KCNIP4: variants seen among roughly 807,000 people sequenced by gnomAD.
The protein encoded by KCNIP4 is potassium voltage-gated channel interacting protein 4.
A neutral mutation model predicts 34.0 loss-of-function variants in KCNIP4; 12 were observed. The ratio of observed to expected loss-of-function variants is 0.35; its 90% CI spans 0.23 to 0.57. The LOEUF is 0.57. Ranked by LOEUF, KCNIP4 falls within the 20% of genes least tolerant of loss-of-function variation. The pLI, the probability that KCNIP4 is intolerant of heterozygous loss-of-function variation, is 0.83. For synonymous variants in KCNIP4, 124 were observed against 102.2 expected, an observed-to-expected ratio of 1.21 and a Z score of -1.29; for missense variants, 238 against 311.7, an observed-to-expected ratio of 0.76 and a Z score of 1.78.
At chr4:21,178,209 G>A (rs551537518) in intron 1 of KCNIP4, among the ~76,000 whole-genome samples, 5 of 152,196 alleles carry the variant, frequency 3.3e-5, no homozygotes, top group African/African-American at 1.2e-4. Context: ...TGGCTCCAAA[G>A]GGCACAAGGC....
At chr4:20,880,711 A>G (rs1724591739) in intron 2 of KCNIP4, among the ~76,000 whole-genome samples, 2 of 152,210 alleles carry the variant, frequency 1.3e-5, no homozygotes, top group Admixed American at 6.5e-5. Context: ...TATCTAATAA[A>G]TTGGCAATTT....
intron 3 of KCNIP4, among the ~76,000 whole-genome samples, chr4:20,791,238 A>C (rs764534149): frequency 5.9e-5 from 9 of 152,184 alleles, no homozygotes; most frequent in Non-Finnish European, 8.8e-5. Context: ...CAAAGACAAA[A>C]TAGACATTTT....
chr4:20,919,425 C>T (rs1026435770), intron 1 of KCNIP4, among the ~76,000 whole-genome samples: 1 of 148,576 alleles, frequency 6.7e-6, no homozygotes, highest in South Asian at 2.1e-4. Context: ...AAAGATAGAT[C>T]GGGCGCGGTG....
intron 1 of KCNIP4, among the ~76,000 whole-genome samples, chr4:21,123,951 T>A (rs560833149): frequency 3.5e-4 from 53 of 152,126 alleles, no homozygotes; most frequent in Non-Finnish European, 7.2e-4. Flanking sequence ...AGAAAATAAA[T>A]GTCCGTTGCT....
chr4:21,066,260 T>G (rs1184160836), intron 1 of KCNIP4, among the ~76,000 whole-genome samples: 1 of 152,140 alleles, frequency 6.6e-6, no homozygotes, highest in Non-Finnish European at 1.5e-5. Flanking sequence ...GTTTCAGTAT[T>G]CCTTTTAGGG....
At chr4:21,027,528 A>T (rs1560658483) in intron 1 of KCNIP4, among the ~76,000 whole-genome samples, 1 of 150,524 alleles carries the variant, frequency 6.6e-6, no homozygotes, top group Non-Finnish European at 1.5e-5. Flanking sequence ...TAGGTGCATA[A>T]TTTTGGGATT....
At chr4:21,120,317 G>T (rs1750044645) in intron 1 of KCNIP4, among the ~76,000 whole-genome samples, 1 of 152,204 alleles carries the variant, frequency 6.6e-6, no homozygotes, top group South Asian at 2.1e-4. Context: ...AGTTCTGGAA[G>T]CTGTAAGTCC....
At chr4:21,543,508 G>A (rs902553425) in intron 1 of KCNIP4, among the ~76,000 whole-genome samples, 2 of 151,952 alleles carry the variant, frequency 1.3e-5, no homozygotes, top group Non-Finnish European at 2.9e-5. Flanking sequence ...ATTAGATGAT[G>A]TAAGTAAACT....
At chr4:21,499,800 A>T (rs1733160802) in intron 1 of KCNIP4, among the ~76,000 whole-genome samples, 1 of 152,152 alleles carries the variant, frequency 6.6e-6, no homozygotes, top group African/African-American at 2.4e-5. Context: ...TTGCATAGAC[A>T]CTTTGATTTC....
Position 21,491,258 on chromosome 4 carries a change from C to T in KCNIP4, c.61+457313G>A, listed in dbSNP as rs542134021. On this transcript the variant is annotated intron_variant, in intron 1 of 8. Coordinates refer to ENST00000382152, the MANE Select transcript of KCNIP4 (RefSeq NM_025221.6). ...TGGACTCTGGTGGAAGTTTCTGGCC[C>T]ATGAAAACTTCCAGGGATGATCCTT... Among the ~76,000 whole-genome samples the T allele has an allele frequency of 1.1e-4, 16 of 152,176 alleles. No individual in the cohort carries two copies. The South Asian group carries it at 3.3e-3, about 32-fold the overall frequency.
chr4:21,730,766 G>A (rs966143285), intron 1 of KCNIP4, among the ~76,000 whole-genome samples: 2 of 152,076 alleles, frequency 1.3e-5, no homozygotes, highest in African/African-American at 2.4e-5. Flanking sequence ...AAACTTATAC[G>A]CTGGAAGAAA....
intron 1 of KCNIP4, among the ~76,000 whole-genome samples, chr4:21,576,007 T>A (rs1308639062): frequency 6.6e-6 from 1 of 152,136 alleles, no homozygotes; most frequent in African/African-American, 2.4e-5. Context: ...GTATACTTCT[T>A]AGGGCTCACA....
chr4:21,723,308 T>C (rs1305070116), intron 1 of KCNIP4, among the ~76,000 whole-genome samples: 1 of 152,114 alleles, frequency 6.6e-6, no homozygotes, highest in Non-Finnish European at 1.5e-5. Flanking sequence ...CCAGGACCCA[T>C]ATTAGAAAAG....
rs191434899 is a variant in KCNIP4 at position 21,759,693 on chromosome 4, C to G, written c.61+188878G>C. Among the ~76,000 whole-genome samples, 361 of 152,174 alleles carry G rather than the reference C, an allele frequency of 2.4e-3. 2 individuals carry two copies. Among genetic ancestry groups the G allele is most frequent in the African/African-American group, 8.3e-3 (346 of 41,518 alleles). On this transcript the variant is annotated intron_variant, in intron 1 of 8. Coordinates refer to ENST00000382152, the MANE Select transcript of KCNIP4 (RefSeq NM_025221.6). Reference sequence around the variant, plus strand: ...TCTCAATTCCGACCTGACTTCAGGGCAGTCTGAAGTCTTCATAAATTTATT... The same window carrying G: ...TCTCAATTCCGACCTGACTTCAGGGGAGTCTGAAGTCTTCATAAATTTATT...
chr4:21,433,239 G>A (rs1322531896), intron 1 of KCNIP4, among the ~76,000 whole-genome samples: 1 of 152,160 alleles, frequency 6.6e-6, no homozygotes, highest in Non-Finnish European at 1.5e-5. Context: ...TTTCTGTTAT[G>A]ATTTAGTGAT....
chr4:21,518,504 C>T (rs1734958032), intron 1 of KCNIP4, among the ~76,000 whole-genome samples: 1 of 152,176 alleles, frequency 6.6e-6, no homozygotes, highest in East Asian at 1.9e-4. Context: ...TCTATGAAAA[C>T]TTGAAGCTCT....
chr4:21,226,279 CAGAGAG>C (rs137923504), intron 1 of KCNIP4, among the ~76,000 whole-genome samples: 1 of 59,504 alleles, frequency 1.7e-5, no homozygotes, highest in Non-Finnish European at 3.4e-5. Flanking sequence ...GGGCGGGAGA[CAGAGAG>C]AGAGAGAAAG....
chr4:20,907,070 T>C (rs1465179511), intron 1 of KCNIP4, among the ~76,000 whole-genome samples: 1 of 152,198 alleles, frequency 6.6e-6, no homozygotes, highest in Non-Finnish European at 1.5e-5. Context: ...AGAGTATATG[T>C]GTGTAGTCCT....
At chr4:21,613,841 A>G (rs1216837303) in intron 1 of KCNIP4, 1 of 151,976 alleles carries the variant, frequency 6.6e-6, no homozygotes, top group Non-Finnish European at 1.5e-5. Flanking sequence ...GCCCACCAAC[A>G]CTTTCATTTA....
Sources: allele counts gnomAD v4.1 joint callset (sites outside exome capture counted in the v4.1 genomes callset), GRCh38; gene constraint gnomAD v4.1.1; transcripts MANE v1.5; gene names NCBI Gene and HGNC (gene_info 2026-07-23, HGNC 2026-07-21).